CDK14: variants seen among roughly 807,000 people sequenced by gnomAD.
The protein encoded by CDK14 is cyclin dependent kinase 14.
Under a neutral mutation model 60.7 loss-of-function variants are expected in CDK14, and 34 were observed. The observed-to-expected ratio is 0.56, with a 90% confidence interval of 0.43 to 0.75. The LOEUF (loss-of-function observed/expected upper bound fraction) is 0.75, where lower values mean the gene tolerates loss of function less well. Ranked by LOEUF, CDK14 falls within the 30% of genes least tolerant of loss-of-function variation. CDK14 has a pLI of 0.00. For missense variants in CDK14, 482 were observed against 564.1 expected, an observed-to-expected ratio of 0.85 and a Z score of 1.47; for synonymous variants, 197 against 203.7, an observed-to-expected ratio of 0.97 and a Z score of 0.28.
chr7:90,977,975 G>A (rs796633064), intron 9 of CDK14, among the ~76,000 whole-genome samples: 3 of 152,178 alleles, frequency 2.0e-5, no homozygotes, highest in African/African-American at 7.2e-5. Context: ...GACAAACTAG[G>A]AAAAATAGGG....
chr7:90,898,642 C>T (rs1043091864), intron 6 of CDK14, among the ~76,000 whole-genome samples: 3 of 151,990 alleles, frequency 2.0e-5, no homozygotes, highest in Non-Finnish European at 4.4e-5. Context: ...AAGATATTTA[C>T]TTGTGGACAA....
intron 5 of CDK14, among the ~76,000 whole-genome samples, chr7:90,845,697 G>A (rs370575790): frequency 5.3e-5 from 8 of 151,960 alleles, no homozygotes; most frequent in African/African-American, 1.7e-4. Flanking sequence ...CAGGTAATAG[G>A]CACTACTCAA....
At chr7:90,731,724 C>T (rs1157599046) in intron 3 of CDK14, among the ~76,000 whole-genome samples, 1 of 152,186 alleles carries the variant, frequency 6.6e-6, no homozygotes, top group South Asian at 2.1e-4. Flanking sequence ...TGCTTATCAG[C>T]TTAAGGAGAT....
At chr7:90,686,565 G>T (rs1277078120) in intron 2 of CDK14, among the ~76,000 whole-genome samples, 1 of 152,084 alleles carries the variant, frequency 6.6e-6, no homozygotes, top group East Asian at 1.9e-4. Flanking sequence ...AAAATTGAAG[G>T]ACACTATTAT....
chr7:90,733,633 C>T (rs186741406), intron 3 of CDK14, among the ~76,000 whole-genome samples: 1 of 151,864 alleles, frequency 6.6e-6, no homozygotes, highest in East Asian at 1.9e-4. Flanking sequence ...GAGTGCAACC[C>T]TTGCTTTTGT....
chr7:90,774,764 T>A (rs1451398082), intron 4 of CDK14, among the ~76,000 whole-genome samples: 1 of 152,102 alleles, frequency 6.6e-6, no homozygotes, highest in Non-Finnish European at 1.5e-5. Context: ...ACTTCAGGGG[T>A]GTGTATGTGT....
intron 9 of CDK14, among the ~76,000 whole-genome samples, chr7:90,972,343 T>C (rs999189158): frequency 6.6e-6 from 1 of 152,244 alleles, no homozygotes; most frequent in East Asian, 1.9e-4. Flanking sequence ...TGTAATTTTT[T>C]AGTCTTTCAC....
intron 10 of CDK14, among the ~76,000 whole-genome samples, chr7:91,014,554 A>G (rs1376525209): frequency 1.3e-5 from 2 of 152,140 alleles, no homozygotes; most frequent in African/African-American, 4.8e-5. Flanking sequence ...CCTTATTTTT[A>G]TTAGAAGACT....
intron 2 of CDK14, among the ~76,000 whole-genome samples, chr7:90,695,875 G>A (rs892883550): frequency 2.0e-5 from 3 of 152,134 alleles, no homozygotes; most frequent in Non-Finnish European, 2.9e-5. Context: ...CAGAGAGGTC[G>A]TACCTTGCTG....
intron 14 of CDK14, among the ~76,000 whole-genome samples, chr7:91,132,876 AG>A (rs1296454025): frequency 3.7e-4 from 56 of 152,292 alleles, no homozygotes; most frequent in African/African-American, 1.3e-3. Flanking sequence ...ACTCTGTTAC[AG>A]ACATAGTTTC....
At chr7:90,668,835 A>G (rs1278192215) in intron 2 of CDK14, among the ~76,000 whole-genome samples, 1 of 148,248 alleles carries the variant, frequency 6.7e-6, no homozygotes. Context: ...CAGCCTCCTG[A>G]GTAGCTAGGA....
At chr7:90,636,753 C>A (rs1403796767) in intron 2 of CDK14, among the ~76,000 whole-genome samples, 1 of 152,196 alleles carries the variant, frequency 6.6e-6, no homozygotes, top group African/African-American at 2.4e-5. Flanking sequence ...AGCTATGAAT[C>A]CATCTGGTCC....
intron 14 of CDK14, among the ~76,000 whole-genome samples, chr7:91,143,819 A>T (rs1004294386): frequency 6.6e-6 from 1 of 152,204 alleles, no homozygotes; most frequent in Admixed American, 6.5e-5. Flanking sequence ...TTTAATCCTC[A>T]TAACAACCCA....
rs1009530536 is a variant in CDK14 at position 91,116,891 on chromosome 7, A to G, written c.1295-1174A>G. ...TCTCCTCATCTGCCAGACCTTTCAC[A>G]TTAGAGTGTCCTGGGGCTGAATCCT... is the stretch of plus-strand genomic sequence containing the variant. On this transcript the variant is annotated intron_variant, in intron 13 of 14. Coordinates refer to ENST00000380050, the MANE Select transcript of CDK14 (RefSeq NM_001287135.2). Among the ~76,000 whole-genome samples, 4 of 151,588 alleles carry G rather than the reference A, an allele frequency of 2.6e-5. No homozygotes were observed. In the East Asian group the frequency reaches 5.8e-4, roughly 22 times the overall value.
intron 8 of CDK14, among the ~76,000 whole-genome samples, chr7:90,944,695 G>A (rs1202579058): frequency 6.6e-6 from 1 of 152,232 alleles, no homozygotes; most frequent in African/African-American, 2.4e-5. Flanking sequence ...TTGTGCCACA[G>A]CACTCCAGCC....
At chr7:91,176,038 A>T (rs1262436091) in intron 14 of CDK14, among the ~76,000 whole-genome samples, 1 of 152,094 alleles carries the variant, frequency 6.6e-6, no homozygotes, top group African/African-American at 2.4e-5. Flanking sequence ...ACCTATTCCA[A>T]AATTGACCAC....
At chr7:91,152,920 A>G (rs1034119094) in intron 14 of CDK14, among the ~76,000 whole-genome samples, 4 of 152,240 alleles carry the variant, frequency 2.6e-5, no homozygotes, top group African/African-American at 7.2e-5. Context: ...TTTTCCATGT[A>G]TGTCAAGAAC....
At chr7:90,883,181 A>G (rs1357597283) in intron 6 of CDK14, among the ~76,000 whole-genome samples, 8 of 152,172 alleles carry the variant, frequency 5.3e-5, no homozygotes, top group Non-Finnish European at 1.2e-4. Context: ...AAAAATTAAC[A>G]AAATACACAG....
chr7:90,996,511 TC>T (rs1377551506), intron 10 of CDK14, among the ~76,000 whole-genome samples: 1 of 152,208 alleles, frequency 6.6e-6, no homozygotes, highest in Admixed American at 6.5e-5. Flanking sequence ...CATAAAATAA[TC>T]TACCCAAGTC....
Sources: gnomAD v4.1 joint callset for allele counts (sites outside exome capture counted in the v4.1 genomes callset) on GRCh38, gnomAD v4.1.1 for gene constraint, MANE v1.5 for transcripts, NCBI Gene and HGNC (gene_info 2026-07-23, HGNC 2026-07-21) for gene names.